LSAMP: variants seen among roughly 807,000 people sequenced by gnomAD.
LSAMP encodes the protein limbic system-associated membrane protein.
Under a neutral mutation model 38.6 loss-of-function variants are expected in LSAMP, and 7 were observed. The ratio of observed to expected loss-of-function variants is 0.18; its 90% confidence interval spans 0.10 to 0.34. The LOEUF (loss-of-function observed/expected upper bound fraction) is 0.34. Ranked by LOEUF, LSAMP falls within the 10% of genes least tolerant of loss-of-function variation. The pLI is 1.00. For synonymous variants in LSAMP, 154 were observed against 166.8 expected, an observed-to-expected ratio of 0.92 and a Z score of 0.59; for missense variants, 313 against 420.0, an observed-to-expected ratio of 0.75 and a Z score of 2.23.
chr3:115,919,131 C>T (rs1003457169), intron 3 of LSAMP, among the ~76,000 whole-genome samples: 4 of 152,166 alleles, frequency 2.6e-5, no homozygotes, highest in African/African-American at 7.2e-5. Flanking sequence ...TCCCTCCCCA[C>T]TCCTCACCCC....
intron 1 of LSAMP, among the ~76,000 whole-genome samples, chr3:116,098,074 T>C (rs984002187): frequency 1.3e-5 from 2 of 151,846 alleles, no homozygotes; most frequent in South Asian, 2.1e-4. Context: ...TGGAAACAAA[T>C]GTGAAATAGG....
chr3:116,048,044 G>A (rs1176487723), intron 2 of LSAMP, among the ~76,000 whole-genome samples: 2 of 152,122 alleles, frequency 1.3e-5, no homozygotes, highest in Non-Finnish European at 2.9e-5. Flanking sequence ...AGTCAACTTT[G>A]AATTTCCAAA....
intron 1 of LSAMP, among the ~76,000 whole-genome samples, chr3:116,409,489 C>A (rs755193617): frequency 4.6e-5 from 7 of 152,008 alleles, no homozygotes; most frequent in Non-Finnish European, 8.8e-5. Flanking sequence ...GCACTCATGA[C>A]CTGAGGAAGT....
At chr3:116,166,219 A>G (rs1373636992) in intron 1 of LSAMP, among the ~76,000 whole-genome samples, 5 of 152,206 alleles carry the variant, frequency 3.3e-5, no homozygotes, top group East Asian at 1.9e-4. Context: ...ACCCCAATTT[A>G]TCTCCTCACA....
intron 1 of LSAMP, among the ~76,000 whole-genome samples, chr3:116,347,822 A>G (rs1262577019): frequency 1.3e-5 from 2 of 152,130 alleles, no homozygotes; most frequent in African/African-American, 4.8e-5. Flanking sequence ...TTTTAAAATG[A>G]AAGAATATGG....
At chr3:116,074,485 T>G (rs1707685659) in intron 2 of LSAMP, among the ~76,000 whole-genome samples, 1 of 152,212 alleles carries the variant, frequency 6.6e-6, no homozygotes, top group Non-Finnish European at 1.5e-5. Flanking sequence ...TATTTCAGAT[T>G]GTTTTATTTC....
intron 1 of LSAMP, among the ~76,000 whole-genome samples, chr3:116,221,698 A>G (rs1303490271): frequency 6.6e-6 from 1 of 152,178 alleles, no homozygotes; most frequent in Non-Finnish European, 1.5e-5. Flanking sequence ...AGCTGTTCTG[A>G]TTAACGCACC....
In LSAMP at chr3:116,444,963, A is replaced by C. The variant is rs1253236085; in HGVS notation, c.69T>G (p.Leu23=). Residue 23 remains leucine, a synonymous_variant, in exon 1 of 7, where the codon CTT becomes CTG. Coordinates refer to ENST00000490035, the MANE Select transcript of LSAMP (RefSeq NM_002338.5). ...CGCTGCGAACAGGCAGTCCTGTGGGAAGAAGGCAGAGCAATCTCAGTAGGA... is the reference window on the plus strand; with the variant it reads ...CGCTGCGAACAGGCAGTCCTGTGGGCAGAAGGCAGAGCAATCTCAGTAGGA... The part of the protein sequence containing the change: ...PLVLLRLLCL[L]PTGLPVRSVD... 3 of 1,613,934 alleles carry C rather than the reference A, an allele frequency of 1.9e-6. No homozygotes were observed. Among genetic ancestry groups the C allele is most frequent in the Non-Finnish European group, 2.5e-6 (3 of 1,180,020 alleles).
chr3:116,421,296 G>A (rs866314151), intron 1 of LSAMP, among the ~76,000 whole-genome samples: 8 of 152,200 alleles, frequency 5.3e-5, no homozygotes, highest in East Asian at 3.9e-4. Flanking sequence ...GGGGCCAGGC[G>A]TGGTAGCTCA....
At chr3:116,377,736 T>A (rs769288539) in intron 1 of LSAMP, among the ~76,000 whole-genome samples, 2 of 152,070 alleles carry the variant, frequency 1.3e-5, no homozygotes, top group Non-Finnish European at 2.9e-5. Flanking sequence ...TGACTTCTAA[T>A]AATATTGAAA....
chr3:116,019,830 A>G (rs893923913), intron 2 of LSAMP, among the ~76,000 whole-genome samples, 190 bp from the exon 3 acceptor site: 3 of 152,202 alleles, frequency 2.0e-5, no homozygotes, highest in African/African-American at 4.8e-5. Flanking sequence ...AAGCACTACT[A>G]TAAGGTAAGA....
At chr3:116,413,252 T>C (rs1171251888) in intron 1 of LSAMP, among the ~76,000 whole-genome samples, 3 of 151,910 alleles carry the variant, frequency 2.0e-5, no homozygotes, top group East Asian at 1.9e-4. Flanking sequence ...ATTATATATA[T>C]ATATATATCA....
At chr3:116,368,559 CTT>C (rs2048386733) in intron 1 of LSAMP, among the ~76,000 whole-genome samples, 1 of 152,200 alleles carries the variant, frequency 6.6e-6, no homozygotes, top group African/African-American at 2.4e-5. Flanking sequence ...CATGAAGAGT[CTT>C]TGGTTGGAGA....
At position 116,209,070 on chromosome 3, in the gene LSAMP, C is replaced by G. The variant is rs188447241; in HGVS notation, c.156-122514G>C. On this transcript the variant is annotated intron_variant, in intron 1 of 6. Coordinates refer to ENST00000490035, the MANE Select transcript of LSAMP (RefSeq NM_002338.5). ...CAGCGAGACTCCTTGGGGGTAGGAC[C>G]CTCTGAGCCAGGTGCGGGATATAAT... Among the ~76,000 whole-genome samples, 663 of 152,316 alleles carry G rather than the reference C, an allele frequency of 4.4e-3. 7 individuals carry two copies. The highest frequency in any genetic ancestry group is 0.015 in the African/African-American group (625 of 41,564).
intron 1 of LSAMP, among the ~76,000 whole-genome samples, chr3:116,157,838 C>T (rs191269216): frequency 3.3e-5 from 5 of 152,058 alleles, no homozygotes; most frequent in Admixed American, 3.3e-4. Flanking sequence ...GGAAGGACTC[C>T]TCCCTAACTC....
At chr3:116,036,040 G>A (rs957127859) in intron 2 of LSAMP, among the ~76,000 whole-genome samples, 2 of 152,206 alleles carry the variant, frequency 1.3e-5, no homozygotes, top group Admixed American at 6.5e-5. Context: ...CTACGTAACA[G>A]AGGCATGCAT....
chr3:116,215,793 C>T (rs1052215285), intron 1 of LSAMP, among the ~76,000 whole-genome samples: 10 of 151,956 alleles, frequency 6.6e-5, no homozygotes, highest in Admixed American at 2.0e-4. Context: ...CCATGGTAGG[C>T]GGGGATAAGG....
intron 1 of LSAMP, among the ~76,000 whole-genome samples, chr3:116,414,671 CA>C (rs1411992309): frequency 1.3e-5 from 2 of 152,070 alleles, no homozygotes; most frequent in Non-Finnish European, 2.9e-5. Flanking sequence ...TGAGAGAAAT[CA>C]AACTGTGTTT....
intron 1 of LSAMP, among the ~76,000 whole-genome samples, chr3:116,226,333 A>C (rs190349555): frequency 0.014 from 2,137 of 152,304 alleles, 48 homozygotes; most frequent in Non-Finnish European, 0.018. Flanking sequence ...AAGTTTGATA[A>C]ATTGCCATTT....
Sources: allele counts gnomAD v4.1 joint callset (sites outside exome capture counted in the v4.1 genomes callset), GRCh38; gene constraint gnomAD v4.1.1; transcripts MANE v1.5; gene names NCBI Gene and HGNC (gene_info 2026-07-23, HGNC 2026-07-21).